HECW1: variants seen among roughly 807,000 people sequenced by gnomAD.
HECW1 encodes the protein E3 ubiquitin-protein ligase HECW1.
HECW1 carries 61 observed loss-of-function variants against 182.3 expected under a neutral mutation model. That is an observed-to-expected ratio of 0.33 (90% CI 0.27 to 0.41). The LOEUF is 0.41. Ranked by LOEUF, HECW1 falls within the 10% of genes least tolerant of loss-of-function variation. The pLI is 1.00. For synonymous variants in HECW1, 859 were observed against 832.6 expected, an observed-to-expected ratio of 1.03 and a Z score of -0.55; for missense variants, 1,739 against 2,108.9, an observed-to-expected ratio of 0.82 and a Z score of 3.44.
At chr7:43,272,470 TA>T (rs1411971818) in intron 3 of HECW1, among the ~76,000 whole-genome samples, 1 of 152,030 alleles carries the variant, frequency 6.6e-6, no homozygotes, top group African/African-American at 2.4e-5. Context: ...TATAAAAACT[TA>T]ATTGAACAAG....
At chr7:43,513,551 G>C (rs2079983866) in intron 24 of HECW1, among the ~76,000 whole-genome samples, 3 of 152,150 alleles carry the variant, frequency 2.0e-5, no homozygotes, top group Admixed American at 2.0e-4. Flanking sequence ...GCCCTAGCAG[G>C]GCATCATGAT....
At chr7:43,269,146 CT>C (rs2152739572) in intron 3 of HECW1, among the ~76,000 whole-genome samples, 1 of 152,316 alleles carries the variant, frequency 6.6e-6, no homozygotes, top group South Asian at 2.1e-4. Flanking sequence ...TGGAAACCAT[CT>C]ACTGCTTTCC....
chr7:43,535,323 G>A (rs2081137342), intron 24 of HECW1, among the ~76,000 whole-genome samples: 1 of 152,220 alleles, frequency 6.6e-6, no homozygotes, highest in Non-Finnish European at 1.5e-5. Flanking sequence ...ATGGAACTAT[G>A]AGAAATCCTT....
chr7:43,250,917 G>A (rs1475358792), intron 3 of HECW1, among the ~76,000 whole-genome samples: 2 of 152,194 alleles, frequency 1.3e-5, no homozygotes, highest in South Asian at 4.1e-4. Flanking sequence ...AGGCCGGAGG[G>A]CATATGACCT....
In HECW1 at chr7:43,550,316, A is replaced by G. The variant is rs535951255; in HGVS notation, c.4249-129A>G. 1,557 of 984,076 alleles carry G rather than the reference A, an allele frequency of 1.6e-3. 20 individuals are homozygous for G. The highest frequency in any genetic ancestry group is 0.015 in the South Asian group (948 of 63,294). The allele number at this position is 984,076 out of a possible 1,614,324, so 61.0% of individuals were successfully genotyped here. A position where few individuals can be genotyped will look rare whatever the true frequency, so the allele number is the denominator to read the frequency against. ...ACCTTTAGCAAGGAAAAAAGACTCC[A>G]GGGATAATAATGCTGAATAATGCCC... On this transcript the variant is annotated intron_variant, in intron 26 of 29. Coordinates refer to ENST00000395891, the MANE Select transcript of HECW1 (RefSeq NM_015052.5).
intron 6 of HECW1, among the ~76,000 whole-genome samples, chr7:43,386,175 T>C (rs2074788132): frequency 6.6e-6 from 1 of 152,222 alleles, no homozygotes; most frequent in Admixed American, 6.5e-5. Flanking sequence ...ACTTCCTCTC[T>C]CTCTTTGACC....
chr7:43,481,366 T>A (rs1424223506), intron 17 of HECW1, among the ~76,000 whole-genome samples: 1 of 152,218 alleles, frequency 6.6e-6, no homozygotes, highest in Non-Finnish European at 1.5e-5. Context: ...AATTTCAGTA[T>A]CCACATAGGG....
chr7:43,559,950 C>T (rs2082155331), intron 29 of HECW1, among the ~76,000 whole-genome samples: 1 of 152,190 alleles, frequency 6.6e-6, no homozygotes. Context: ...TTTCTGTTTA[C>T]TCCCAGAAAT....
chr7:43,501,814 AAG>A (rs2079372047), intron 21 of HECW1, among the ~76,000 whole-genome samples: 1 of 152,084 alleles, frequency 6.6e-6, no homozygotes, highest in Non-Finnish European at 1.5e-5. Flanking sequence ...CCATACAACA[AAG>A]AGAGTCCCTA....
At chr7:43,164,339 G>A (rs1790865542) in intron 2 of HECW1, among the ~76,000 whole-genome samples, 2 of 152,204 alleles carry the variant, frequency 1.3e-5, no homozygotes, top group Admixed American at 6.5e-5. Context: ...AATAAAAAGT[G>A]CATGACCAAT....
chr7:43,208,151 C>A (rs1795660634), intron 2 of HECW1, among the ~76,000 whole-genome samples: 1 of 152,186 alleles, frequency 6.6e-6, no homozygotes, highest in Admixed American at 6.5e-5. Flanking sequence ...TTGAAACCCT[C>A]ATATTTTCCA....
chr7:43,474,405 C>A (rs984111486), intron 16 of HECW1, among the ~76,000 whole-genome samples: 1 of 151,954 alleles, frequency 6.6e-6, no homozygotes, highest in Non-Finnish European at 1.5e-5. Flanking sequence ...GCCGAGATGG[C>A]GCCACTGCAC....
intron 2 of HECW1, among the ~76,000 whole-genome samples, chr7:43,173,202 A>G (rs1378173916): frequency 2.6e-5 from 4 of 152,238 alleles, no homozygotes; most frequent in Non-Finnish European, 5.9e-5. Flanking sequence ...GTCACATCTG[A>G]GTCACCTGCA....
At chr7:43,177,130 T>C (rs1202779816) in intron 2 of HECW1, among the ~76,000 whole-genome samples, 2 of 152,202 alleles carry the variant, frequency 1.3e-5, no homozygotes, top group Non-Finnish European at 2.9e-5. Context: ...TTTTTTTCTA[T>C]GGCATTCAAC....
intron 21 of HECW1, 148 bp from the exon 22 acceptor site, chr7:43,506,989 G>A: frequency 1.1e-6 from 1 of 898,340 alleles, no homozygotes. Flanking sequence ...AGAATCGCTT[G>A]AACCCAGGAG....
chr7:43,422,426 G>A (rs1221996954), intron 8 of HECW1, among the ~76,000 whole-genome samples: 2 of 148,470 alleles, frequency 1.3e-5, no homozygotes, highest in South Asian at 4.3e-4. Flanking sequence ...GCAGTGGTAC[G>A]ATCTCAGCTC....
chr7:43,130,432 A>G (rs1481928162), intron 2 of HECW1, among the ~76,000 whole-genome samples: 1 of 152,218 alleles, frequency 6.6e-6, no homozygotes, highest in African/African-American at 2.4e-5. Context: ...TTGAACCGTC[A>G]GAAAGCAAGG....
At chr7:43,358,818 CTTT>C (rs572118397) in intron 5 of HECW1, among the ~76,000 whole-genome samples, 1,041 of 93,364 alleles carry the variant, frequency 0.011, 4 homozygotes, top group African/African-American at 0.037. Flanking sequence ...AAAATATATT[CTTT>C]TTTTTTTTTT....
chr7:43,191,048 C>T (rs1793873412), intron 2 of HECW1, among the ~76,000 whole-genome samples: 1 of 152,130 alleles, frequency 6.6e-6, no homozygotes, highest in Non-Finnish European at 1.5e-5. Context: ...GGCTCACAGA[C>T]CAAATTAAGA....
Sources: gnomAD v4.1 joint callset for allele counts (sites outside exome capture counted in the v4.1 genomes callset) on GRCh38, gnomAD v4.1.1 for gene constraint, MANE v1.5 for transcripts, NCBI Gene and HGNC (gene_info 2026-07-23, HGNC 2026-07-21) for gene names.